The following RIMBP2 variants were observed in gnomAD, a reference collection of about 807,000 sequenced individuals.
The protein encoded by RIMBP2 is RIMS binding protein 2.
RIMBP2 carries 48 observed loss-of-function variants against 118.6 expected under a neutral mutation model. That is an observed-to-expected ratio of 0.40 (90% confidence interval 0.32 to 0.51). The LOEUF (loss-of-function observed/expected upper bound fraction) is 0.51. Among genes scored for constraint, RIMBP2 ranks in the 20% least tolerant of loss-of-function variants. The pLI, the probability that RIMBP2 is intolerant of heterozygous loss-of-function variation, is 0.41. For synonymous variants in RIMBP2, 762 were observed against 742.9 expected (o/e 1.03, Z -0.42); for missense variants, 1,551 against 1,768.3 (o/e 0.88, Z 2.20).
chr12:130,651,643 T>A (rs2063236956), intron 1 of RIMBP2, among the ~76,000 whole-genome samples: 1 of 152,386 alleles, frequency 6.6e-6, no homozygotes, highest in African/African-American at 2.4e-5. Flanking sequence ...GGAAACACCC[T>A]TCGAGCTGAA....
chr12:130,611,448 C>T (rs770508851), intron 2 of RIMBP2, among the ~76,000 whole-genome samples: 7 of 152,226 alleles, frequency 4.6e-5, no homozygotes, highest in Non-Finnish European at 8.8e-5. Context: ...CACCTGGGGC[C>T]GCTTCATTTA....
At chr12:130,587,131 A>G (rs1002307201) in intron 2 of RIMBP2, among the ~76,000 whole-genome samples, 14 of 150,226 alleles carry the variant, frequency 9.3e-5, no homozygotes, top group Non-Finnish European at 1.5e-4. Context: ...ACAATGAGAT[A>G]CCATCTCACA....
intron 17 of RIMBP2, among the ~76,000 whole-genome samples, chr12:130,421,255 C>T (rs2076387917): frequency 6.6e-6 from 1 of 152,250 alleles, no homozygotes; most frequent in South Asian, 2.1e-4. Context: ...GCTCCACTAA[C>T]CCTGCTAGCT....
At chr12:130,709,786 T>C (rs1015704473) in intron 1 of RIMBP2, among the ~76,000 whole-genome samples, 1 of 143,134 alleles carries the variant, frequency 7.0e-6, no homozygotes, top group Non-Finnish European at 1.5e-5. Context: ...GGACACACAC[T>C]GGGTGTGGCA....
chr12:130,685,937 C>T (rs778544938), intron 1 of RIMBP2, among the ~76,000 whole-genome samples: 10 of 152,170 alleles, frequency 6.6e-5, no homozygotes, highest in Non-Finnish European at 1.0e-4. Context: ...CGCCCAGGCC[C>T]GCCCCCAAAG....
chr12:130,396,193 A>G lies in RIMBP2; in HGVS notation c.*1168T>C, dbSNP rs1052026326. 4 of 152,696 alleles carry G rather than the reference A, an allele frequency of 2.6e-5. No individual in the cohort carries two copies. The highest frequency in any genetic ancestry group is 9.6e-5 in the African/African-American group (4 of 41,476). The allele number at this position is 152,696 out of a possible 1,614,324, so 9.5% of individuals were successfully genotyped here. ...TTTTACACTAACTGTGCACATGCAC[A>G]CACCCACACAGAGCTTAACCACACA... On this transcript the variant is annotated 3_prime_UTR_variant, in exon 23 of 23. Transcript: ENST00000690449.
rs1302752628 is a variant in RIMBP2, at chr12:130,424,076, A to C, written c.3129+66T>G. 1 of 878,878 alleles carries C rather than the reference A, an allele frequency of 1.1e-6. No homozygotes were observed. Among genetic ancestry groups the C allele is most frequent in the East Asian group, 3.3e-5 (1 of 30,074 alleles). The allele number at this position is 878,878 out of a possible 1,614,324, so 54.4% of individuals were successfully genotyped here. On this transcript the variant is annotated intron_variant, in intron 16 of 22. Transcript: ENST00000690449. This position sits in a 1 kb window ranked among gnomAD's most constrained non-coding sequence, Gnocchi z 9.8. Reference sequence around the variant, plus strand: ...GGATGGACACCAGAACAAACAGAAAACCAGTGAAAGGATGGGACAGATTGG... The same window carrying C: ...GGATGGACACCAGAACAAACAGAAACCCAGTGAAAGGATGGGACAGATTGG...
intron 21 of RIMBP2, among the ~76,000 whole-genome samples, chr12:130,403,121 C>T (rs559755852): frequency 1.3e-5 from 2 of 152,254 alleles, no homozygotes; most frequent in African/African-American, 2.4e-5. Context: ...TATTTGAATT[C>T]GCTCTCTCGA....
intron 15 of RIMBP2, chr12:130,425,135 G>A (rs527513463): frequency 8.0e-4 from 269 of 334,954 alleles, no homozygotes; most frequent in African/African-American, 3.4e-3. Flanking sequence ...CCAAGGAGAG[G>A]GCAGGTGAGA....
intron 1 of RIMBP2, among the ~76,000 whole-genome samples, chr12:130,659,504 T>G (rs1462447841): frequency 1.3e-5 from 2 of 150,924 alleles, no homozygotes; most frequent in Non-Finnish European, 2.9e-5. Flanking sequence ...GGGAGGCGTA[T>G]GTTGCAGTGA....
rs1323615297 is a variant in RIMBP2, at chr12:130,419,455, C to T, written c.3238+2998G>A. The T allele has an allele frequency of 1.3e-5, 2 of 152,182 alleles. No individual in the cohort carries two copies. Among genetic ancestry groups the T allele is most frequent in the Non-Finnish European group, 2.9e-5 (2 of 68,046 alleles). The allele number at this position is 152,182 out of a possible 1,614,324, so 9.4% of individuals were successfully genotyped here. ...GTTTCCCTCACTACCTGGCCCAGAC[C>T]GACTGCCCTCACTGCTACTGTCCGT... On this transcript the variant is annotated intron_variant, in intron 17 of 22. Transcript: ENST00000690449. This position sits in a 1 kb window ranked among gnomAD's most constrained non-coding sequence, Gnocchi z 4.3.
intron 1 of RIMBP2, among the ~76,000 whole-genome samples, chr12:130,702,526 T>A (rs4600252): frequency 0.2 from 15,009 of 73,900 alleles, 1,537 homozygotes; most frequent in African/African-American, 0.38. Flanking sequence ...AAAAAAAAAA[T>A]AAAAAAATAA....
intron 21 of RIMBP2, among the ~76,000 whole-genome samples, chr12:130,401,055 T>C (rs7296422): frequency 0.83 from 125,797 of 152,234 alleles, 52,262 homozygotes; most frequent in Non-Finnish European, 0.85. Context: ...ATGGTGGTGA[T>C]TGTTTGCACA....
intron 4 of RIMBP2, among the ~76,000 whole-genome samples, chr12:130,494,628 A>C (rs1203216851): frequency 5.0e-5 from 7 of 139,090 alleles, no homozygotes; most frequent in African/African-American, 1.6e-4. Flanking sequence ...AACAGAGTGA[A>C]ACCCTGTCTC....
intron 3 of RIMBP2, among the ~76,000 whole-genome samples, chr12:130,513,608 A>G (rs928362175): frequency 6.6e-6 from 1 of 152,212 alleles, no homozygotes; most frequent in African/African-American, 2.4e-5. Context: ...TGCAGCTTCA[A>G]AGGCATCAAG....
At chr12:130,505,470 CCCCAT>C (rs2050218174) in intron 4 of RIMBP2, among the ~76,000 whole-genome samples, 1 of 127,036 alleles carries the variant, frequency 7.9e-6, no homozygotes. Context: ...TCCCCATCCC[CCCCAT>C]CCCCCACCCC....
intron 2 of RIMBP2, among the ~76,000 whole-genome samples, chr12:130,602,895 G>T (rs115358372): frequency 0.011 from 1,670 of 152,172 alleles, 29 homozygotes; most frequent in African/African-American, 0.038. Context: ...ACCCTGCAAG[G>T]GGTCTATCAG....
At chr12:130,579,050 T>C (rs2058283864) in intron 2 of RIMBP2, among the ~76,000 whole-genome samples, 1 of 152,150 alleles carries the variant, frequency 6.6e-6, no homozygotes, top group African/African-American at 2.4e-5. Context: ...CTTTTGAATA[T>C]CAGAGTTGTG....
In RIMBP2 at chr12:130,436,987, T is replaced by G. The variant is rs757954491; in HGVS notation, c.1961A>C (p.His654Pro). ...QSRAPGPVHG[H>P]MLEPPVGPGR... is the part of the protein sequence containing the mutation. ...GGGGCCCACGGGCGGCTCCAGCATG[T>G]GCCCATGCACAGGGCCAGGTGCACG... The change falls in exon 13 of 23, where the codon CAC becomes CCC. Residue 654 changes from histidine (H) to proline (P), a missense_variant. Physicochemically the swap from His to Pro is moderately conservative, Grantham distance 77 (BLOSUM62 -2). Around this residue, in one of 5 missense-constraint regions of RIMBP2, gnomAD observed 1,038 missense variants for 1,125.1 expected, o/e 0.92. Transcript: ENST00000690449. 1.1e-4 allele frequency: 185 copies of G among 1,609,352 alleles called. No homozygotes were observed. The highest frequency in any genetic ancestry group is 3.3e-5 in the South Asian group (3 of 90,274).
Sources: allele counts gnomAD v4.1 joint callset (sites outside exome capture counted in the v4.1 genomes callset), GRCh38; gene constraint gnomAD v4.1.1; regional missense constraint gnomAD v4.1.1; non-coding constraint Gnocchi (gnomAD v3.1); transcripts MANE v1.5; gene names NCBI Gene and HGNC (gene_info 2026-07-23, HGNC 2026-07-21).